The following ZNF831 variants were observed in gnomAD, a reference collection of about 807,000 sequenced individuals.
ZNF831 encodes zinc finger protein 831, also known as chromosome 20 open reading frame 174.
A neutral mutation model predicts 95.8 loss-of-function variants in ZNF831; 59 were observed. The observed-to-expected ratio is 0.62, with a 90% CI of 0.50 to 0.77. The LOEUF is 0.77. Among genes scored for constraint, ZNF831 ranks in the 30% least tolerant of loss-of-function variants. The probability of loss-of-function intolerance (pLI) is 0.00; values close to 1 mark genes in which losing one functional copy is unlikely to be tolerated. For synonymous variants in ZNF831, 961 were observed against 925.5 expected (o/e 1.04, Z -0.70); for missense variants, 2,205 against 2,164.0 (o/e 1.02, Z -0.38).
At chr20:59,179,168 C>T (rs1323999462) in intron 1 of ZNF831, among the ~76,000 whole-genome samples, 1 of 152,202 alleles carries the variant, frequency 6.6e-6, no homozygotes, top group Non-Finnish European at 1.5e-5. Context: ...CCCTGGGGCA[C>T]CCACTGCCCG....
At chr20:59,135,292 A>G (rs1347043459) in intron 1 of ZNF831, among the ~76,000 whole-genome samples, 1 of 152,192 alleles carries the variant, frequency 6.6e-6, no homozygotes, top group Admixed American at 6.5e-5. Flanking sequence ...AGGTAAAATC[A>G]AGAAGTTGGC....
chr20:59,161,516 T>C (rs1017696447), upstream of ZNF831, among the ~76,000 whole-genome samples: 1 of 152,212 alleles, frequency 6.6e-6, no homozygotes, highest in Non-Finnish European at 1.5e-5. Flanking sequence ...TGGCCTCAAG[T>C]GATCCGCCTG....
At chr20:59,225,256 C>G (rs1216406364) in intron 4 of ZNF831, among the ~76,000 whole-genome samples, 1 of 152,128 alleles carries the variant, frequency 6.6e-6, no homozygotes, top group Non-Finnish European at 1.5e-5. Context: ...AGAAGTTGTT[C>G]TTTTTTATTT....
At position 59,191,145 on chromosome 20, in the gene ZNF831, G is replaced by A. The variant is rs1035711980; in HGVS notation, c.126G>A (p.Leu42=). The A allele has an allele frequency of 6.2e-7, 1 of 1,600,886 alleles. No individual in the cohort carries two copies. ...ACCTGACCCTGGGCCCTGTCCTTCTGCCGCCAGAGCAGGGCCTGGCCCCCC... is the reference window on the plus strand; with the variant it reads ...ACCTGACCCTGGGCCCTGTCCTTCTACCGCCAGAGCAGGGCCTGGCCCCCC... ...SPHLTLGPVL[L]PPEQGLAPPT... The change falls in exon 2 of 6, where the codon CTG becomes CTA. Residue 42 remains leucine, a synonymous_variant. Coordinates refer to ENST00000371030, the MANE Select transcript of ZNF831 (RefSeq NM_178457.3).
chr20:59,257,047 C>A lies in ZNF831; in HGVS notation c.*2304C>A, dbSNP rs1486371265. On this transcript the variant is annotated 3_prime_UTR_variant, in exon 6 of 6. Coordinates refer to ENST00000371030, the MANE Select transcript of ZNF831 (RefSeq NM_178457.3). ...GTGGCTACTGTGGAATCAACGGGGT[C>A]ACTGGCTGTAAATCAGTAAGTCATA... is the stretch of plus-strand genomic sequence containing the variant. 2.6e-5 allele frequency: 4 copies of A among 152,264 alleles called. No homozygotes were observed. Among genetic ancestry groups the A allele is most frequent in the Middle Eastern group, 3.2e-3 (1 of 316 alleles). 9.4% of individuals were successfully genotyped at this position (152,264 alleles called of 1,614,324 possible). A position where few individuals can be genotyped will look rare whatever the true frequency, so the allele number is the denominator to read the frequency against.
Position 59,191,714 on chromosome 20 carries a change from G to T in ZNF831, c.695G>T (p.Ser232Ile). 1 of 1,576,192 alleles carries T rather than the reference G, an allele frequency of 6.3e-7. No homozygotes were observed. Residue 232 changes from serine to isoleucine, a missense_variant, in exon 2 of 6, where the codon AGC becomes ATC. Transcript: ENST00000371030. ...CCCAGACCAGAGGGCAGGGGCGAGA[G>T]CAGGTGCCAGGGGATGCACGAAGGC... ...EPPRPEGRGE[S>I]RCQGMHEGAS...
rs778497137 is a variant in ZNF831 at position 59,254,706 on chromosome 20, G to A, written c.4997G>A (p.Ser1666Asn). 1 of 1,613,256 alleles carries A rather than the reference G, an allele frequency of 6.2e-7. No homozygotes were observed. Among genetic ancestry groups the A allele is most frequent in the Non-Finnish European group, 8.5e-7 (1 of 1,179,800 alleles). Residue 1666 changes from serine to asparagine, a missense_variant, in exon 6 of 6, where the codon AGC becomes AAC. By Grantham distance (46) the Ser-to-Asn change is conservative (BLOSUM62 1). Transcript: ENST00000371030. The surrounding 1 kb of genome is among the most constrained non-coding windows in gnomAD (Gnocchi z 4.5). ...ACTCGAGTAGAGTTCAGTGACACCA[G>A]CAGCGACGATGAAGACCGATTAGTT... ...KQTRVEFSDTSSDDEDRLVIE... is the reference protein window; with the variant it reads ...KQTRVEFSDTNSDDEDRLVIE...
At chr20:59,130,601 G>A (rs752140578) in intron 1 of ZNF831, among the ~76,000 whole-genome samples, 11 of 152,200 alleles carry the variant, frequency 7.2e-5, no homozygotes, top group Non-Finnish European at 1.5e-4. Flanking sequence ...AAACGCCAAA[G>A]GCACTTTGGA....
Position 59,191,551 on chromosome 20 carries a change from G to A in ZNF831, c.532G>A (p.Gly178Ser), listed in dbSNP as rs763900056. 4.3e-6 allele frequency: 7 copies of A among 1,612,874 alleles called. No individual in the cohort carries two copies. In the Admixed American group the frequency reaches 5.0e-5, roughly 12 times the overall value. Reference protein sequence around the residue: ...GERPFPCATCGIAFKTQSNLY... With the variant: ...GERPFPCATCSIAFKTQSNLY... ...GAGGCCCTTCCCGTGTGCCACCTGC[G>A]GCATCGCCTTTAAGACCCAGAGCAA... Residue 178 changes from glycine (G) to serine (S), a missense_variant, in exon 2 of 6, where the codon GGC becomes AGC. Gly to Ser is a moderately conservative substitution (Grantham distance 56). Transcript: ENST00000371030.
intron 2 of ZNF831, among the ~76,000 whole-genome samples, chr20:59,154,245 G>A (rs1029999598): frequency 6.6e-6 from 1 of 152,124 alleles, no homozygotes; most frequent in African/African-American, 2.4e-5. Flanking sequence ...TAGGATTGGG[G>A]AAAGACATAC....
At chr20:59,156,221 T>C (rs946237114) in intron 2 of ZNF831, among the ~76,000 whole-genome samples, 1 of 152,162 alleles carries the variant, frequency 6.6e-6, no homozygotes, top group Non-Finnish European at 1.5e-5. Context: ...TAACCTATGA[T>C]CTACTGTCTT....
At chr20:59,253,631 T>C (rs1300686641) in intron 5 of ZNF831, among the ~76,000 whole-genome samples, 4 of 152,122 alleles carry the variant, frequency 2.6e-5, no homozygotes, top group African/African-American at 7.2e-5. Flanking sequence ...GTAAGATAAT[T>C]GAGTGGTTTT....
intron 4 of ZNF831, among the ~76,000 whole-genome samples, chr20:59,228,606 C>T (rs537538843): frequency 8.8e-4 from 134 of 152,174 alleles, no homozygotes; most frequent in African/African-American, 2.9e-3. Context: ...CATCCTCCCA[C>T]GAAGGCTGGG....
At chr20:59,245,815 C>G (rs1600682579) in intron 4 of ZNF831, among the ~76,000 whole-genome samples, 2 of 152,256 alleles carry the variant, frequency 1.3e-5, no homozygotes, top group East Asian at 3.9e-4. Flanking sequence ...CAAATCAGCC[C>G]CATTCACTGA....
chr20:59,141,180 A>C (rs1481941071), intron 1 of ZNF831, among the ~76,000 whole-genome samples: 1 of 152,338 alleles, frequency 6.6e-6, no homozygotes, highest in Admixed American at 6.5e-5. Flanking sequence ...GATTACAGGC[A>C]TGAGCCATGG....
In ZNF831 at chr20:59,193,329, G is replaced by A. The variant is rs2146581167; in HGVS notation, c.2310G>A (p.Gly770=). ...CCCCAGCACCTGGCCCCCTCAAAGGGGGTGATGTAGAGGCTCCCAGGCCAG... is the reference window on the plus strand; with the variant it reads ...CCCCAGCACCTGGCCCCCTCAAAGGAGGTGATGTAGAGGCTCCCAGGCCAG... ...QMPPAPGPLK[G]GDVEAPRPVW... Residue 770 remains glycine, a synonymous_variant, in exon 2 of 6, where the codon GGG becomes GGA. Transcript: ENST00000371030. 1.9e-6 allele frequency: 3 copies of A among 1,613,138 alleles called. No individual in the cohort carries two copies. Among genetic ancestry groups the A allele is most frequent in the Non-Finnish European group, 2.5e-6 (3 of 1,179,580 alleles).
chr20:59,152,332 G>C (rs1196669417), intron 2 of ZNF831, among the ~76,000 whole-genome samples: 1 of 152,108 alleles, frequency 6.6e-6, no homozygotes, highest in Non-Finnish European at 1.5e-5. Flanking sequence ...CCACTTACAG[G>C]GGGTTGGGGG....
At chr20:59,224,101 C>G (rs1359726572) in intron 4 of ZNF831, among the ~76,000 whole-genome samples, 3 of 152,320 alleles carry the variant, frequency 2.0e-5, no homozygotes, top group Admixed American at 2.0e-4. Flanking sequence ...AGCAGGGCAC[C>G]CACTTTGAGT....
chr20:59,126,177 A>G (rs1979165137), intron 1 of ZNF831, among the ~76,000 whole-genome samples: 1 of 152,136 alleles, frequency 6.6e-6, no homozygotes, highest in Non-Finnish European at 1.5e-5. Context: ...ATCCTAGGCC[A>G]CCTTCCCCAC....
Sources: allele counts gnomAD v4.1 joint callset (sites outside exome capture counted in the v4.1 genomes callset), GRCh38; gene constraint gnomAD v4.1.1; non-coding constraint Gnocchi (gnomAD v3.1); transcripts MANE v1.5; gene names NCBI Gene and HGNC (gene_info 2026-07-23, HGNC 2026-07-21).